Variants in DYSF observed in about 807,000 individuals in gnomAD.
DYSF encodes the protein dysferlin.
In DYSF, 212 loss-of-function variants were observed where a neutral mutation model predicts 274.9. That is an observed-to-expected ratio of 0.77 (90% CI 0.69 to 0.86). The LOEUF (loss-of-function observed/expected upper bound fraction) is 0.86, where lower values mean the gene tolerates loss of function less well. DYSF is among the 40% of genes least tolerant of loss of function. The pLI, the probability that DYSF is intolerant of heterozygous loss-of-function variation, is 0.00. For missense variants in DYSF, 2,666 were observed against 2,783.2 expected, an observed-to-expected ratio of 0.96 and a Z score of 0.95; for synonymous variants, 1,091 against 1,078.7, an observed-to-expected ratio of 1.01 and a Z score of -0.22.
At chr2:71,482,089 T>A (rs1447362638) in intron 3 of DYSF, 119 bp downstream of exon 3, 1 of 782,838 alleles carries the variant, frequency 1.3e-6, no homozygotes, top group Non-Finnish European at 2.1e-6. Flanking sequence ...TTTATCCACC[T>A]CCTCCCATGG....
chr2:71,518,266 T>C (rs1042314505), intron 10 of DYSF, among the ~76,000 whole-genome samples: 14 of 151,458 alleles, frequency 9.2e-5, no homozygotes, highest in African/African-American at 3.4e-4. Flanking sequence ...TTTTTTTTTT[T>C]TTTTTTTTGA....
At chr2:71,548,805 G>A (rs2090690185) in intron 17 of DYSF, among the ~76,000 whole-genome samples, 1 of 152,108 alleles carries the variant, frequency 6.6e-6, no homozygotes, top group Non-Finnish European at 1.5e-5. Flanking sequence ...CCTTCAGGGG[G>A]GTGATCCTGG....
chr2:71,533,977 C>T (rs1421407745), intron 14 of DYSF, among the ~76,000 whole-genome samples: 2 of 152,288 alleles, frequency 1.3e-5, no homozygotes, highest in South Asian at 2.1e-4. Context: ...TTTCCTTACT[C>T]CTCTCTTTGC....
intron 1 of DYSF, among the ~76,000 whole-genome samples, chr2:71,475,442 G>A (rs181484976): frequency 0.015 from 2,319 of 152,316 alleles, 24 homozygotes; most frequent in South Asian, 0.027. Flanking sequence ...AGAGCTAGAA[G>A]CACACTGCTA....
intron 1 of DYSF, among the ~76,000 whole-genome samples, chr2:71,472,568 G>A (rs1373224049): frequency 6.6e-6 from 1 of 152,140 alleles, no homozygotes; most frequent in Non-Finnish European, 1.5e-5. Flanking sequence ...CACCACGCCA[G>A]GCTAATTTTT....
At chr2:71,561,990 C>A in intron 23 of DYSF, 46 bp downstream of exon 23, 1 of 1,592,060 alleles carries the variant, frequency 6.3e-7, no homozygotes, top group African/African-American at 1.3e-5. Flanking sequence ...CTCCTGCTGC[C>A]TGGAACATCA....
chr2:71,471,274 A>G (rs2082015322), intron 1 of DYSF, among the ~76,000 whole-genome samples: 2 of 152,220 alleles, frequency 1.3e-5, no homozygotes, highest in African/African-American at 2.4e-5. Flanking sequence ...AAAATTTAAC[A>G]TACAAGGAAA....
chr2:71,526,472 G>A lies in DYSF; in HGVS notation c.1276+126G>A, dbSNP rs543904892. 228 of 1,372,754 alleles carry A rather than the reference G, an allele frequency of 1.7e-4. No homozygotes were observed. The African/African-American group carries it at 3.1e-3, about 19-fold the overall frequency. 85.0% of individuals were successfully genotyped at this position (1,372,754 alleles called of 1,614,324 possible). ...GGAGAGGCGTCTAGGAAAACAATCA[G>A]AATTTAACGAAAAGTAATCAGTGCT... On this transcript the variant is annotated intron_variant, in intron 13 of 55. Coordinates refer to ENST00000410020, the MANE Select transcript of DYSF (RefSeq NM_001130987.2).
chr2:71,489,125 G>T (rs1431129672), intron 3 of DYSF, among the ~76,000 whole-genome samples: 2 of 152,156 alleles, frequency 1.3e-5, no homozygotes, highest in African/African-American at 2.4e-5. Context: ...TTCTTAGGGA[G>T]TATCAAATCA....
At chr2:71,645,129 C>A (rs2094547306) in intron 42 of DYSF, among the ~76,000 whole-genome samples, 1 of 152,194 alleles carries the variant, frequency 6.6e-6, no homozygotes, top group African/African-American at 2.4e-5. Context: ...CTGTAGGCGG[C>A]TTGTGTTAGC....
At chr2:71,498,227 A>G (rs963913409) in intron 3 of DYSF, among the ~76,000 whole-genome samples, 1 of 152,180 alleles carries the variant, frequency 6.6e-6, no homozygotes, top group African/African-American at 2.4e-5. Flanking sequence ...CACTGGCTCT[A>G]TCAGCTTTGA....
At chr2:71,596,025 G>A (rs1665777873) in intron 32 of DYSF, among the ~76,000 whole-genome samples, 2 of 146,604 alleles carry the variant, frequency 1.4e-5, no homozygotes, top group African/African-American at 2.5e-5. Context: ...TTTTTGAGGA[G>A]TGGGGTCCCG....
In DYSF at chr2:71,454,124, G is replaced by T. The variant is rs184949469; in HGVS notation, c.88+38G>T. ...GACCACCCTCGCCCGGGGTCGGGGT[G>T]GGGTAGAGGAGGGGACGCCGCGGCT... On this transcript the variant is annotated intron_variant, in intron 1 of 54. Transcript: ENST00000258104. 300 of 1,597,768 alleles carry T rather than the reference G, an allele frequency of 1.9e-4. 1 individual carries two copies. In the African/African-American group the frequency reaches 3.0e-3, roughly 16 times the overall value.
chr2:71,503,734 G>C (rs1258516568), intron 4 of DYSF, among the ~76,000 whole-genome samples: 1 of 152,108 alleles, frequency 6.6e-6, no homozygotes, highest in Non-Finnish European at 1.5e-5. Flanking sequence ...CAGGGCATGA[G>C]GGATGGAGGG....
intron 45 of DYSF, among the ~76,000 whole-genome samples, chr2:71,663,659 A>G (rs1431527597): frequency 1.3e-5 from 2 of 152,232 alleles, no homozygotes; most frequent in Admixed American, 6.5e-5. Flanking sequence ...CCTTTGATGC[A>G]CATGGTAGAT....
chr2:71,619,780 AC>A (rs2094049864), intron 40 of DYSF, among the ~76,000 whole-genome samples: 1 of 151,744 alleles, frequency 6.6e-6, no homozygotes, highest in African/African-American at 2.4e-5. Flanking sequence ...GTACTCATTC[AC>A]CCAGAGCCCC....
rs1348530314 is a variant in DYSF at position 71,564,286 on chromosome 2, T to C, written c.2565+73T>C. On this transcript the variant is annotated intron_variant, in intron 24 of 55. Coordinates refer to ENST00000410020, the MANE Select transcript of DYSF (RefSeq NM_001130987.2). Reference sequence around the variant, plus strand: ...AGGCCTTTCTCCCATCTCTTCTGTTTCCCCTCCTGTTCTTGACCTATCTTA... The same window carrying C: ...AGGCCTTTCTCCCATCTCTTCTGTTCCCCCTCCTGTTCTTGACCTATCTTA... 9 of 1,586,438 alleles carry C rather than the reference T, an allele frequency of 5.7e-6. No individual in the cohort carries two copies. In the East Asian group the frequency reaches 1.8e-4, roughly 32 times the overall value.
At chr2:71,572,641 A>G (rs189761653) in intron 29 of DYSF, among the ~76,000 whole-genome samples, 26 of 152,378 alleles carry the variant, frequency 1.7e-4, no homozygotes, top group African/African-American at 6.3e-4. Flanking sequence ...AACACCACAG[A>G]ATCCTCACCT....
At chr2:71,656,105 TG>T in intron 42 of DYSF, 56 bp from the exon 43 acceptor site, 1 of 1,606,972 alleles carries the variant, frequency 6.2e-7, no homozygotes, top group South Asian at 1.1e-5. Flanking sequence ...TTTCCTTTGC[TG>T]TTGTTCTACT....
Sources: allele counts gnomAD v4.1 joint callset (sites outside exome capture counted in the v4.1 genomes callset), GRCh38; gene constraint gnomAD v4.1.1; transcripts MANE v1.5; gene names NCBI Gene and HGNC (gene_info 2026-07-23, HGNC 2026-07-21).